Variants in SRPK1 observed in about 807,000 individuals in gnomAD.
The protein encoded by SRPK1 is SRSF protein kinase 1.
SRPK1 carries 52 observed loss-of-function variants against 89.5 expected under a neutral mutation model. That is an observed-to-expected ratio of 0.58 (90% confidence interval 0.46 to 0.73). The LOEUF is 0.73. Among genes scored for constraint, SRPK1 ranks in the 30% least tolerant of loss-of-function variants. The pLI, the probability that SRPK1 is intolerant of heterozygous loss-of-function variation, is 0.00. For missense variants in SRPK1, 603 were observed against 780.6 expected (o/e 0.77, Z 2.71); for synonymous variants, 255 against 270.2 (o/e 0.94, Z 0.55).
chr6:35,881,170 T>C (rs371587066), intron 6 of SRPK1, among the ~76,000 whole-genome samples: 12 of 152,232 alleles, frequency 7.9e-5, no homozygotes, highest in African/African-American at 2.6e-4. Context: ...CATTACCAGA[T>C]GTGCCCTGGA....
At chr6:35,881,669 A>G (rs1770294929) in intron 6 of SRPK1, among the ~76,000 whole-genome samples, 1 of 152,178 alleles carries the variant, frequency 6.6e-6, no homozygotes, top group Non-Finnish European at 1.5e-5. Context: ...GACATTATCT[A>G]TATTAATAAA....
chr6:35,855,086 G>C (rs1254973143), intron 13 of SRPK1, among the ~76,000 whole-genome samples: 1 of 152,096 alleles, frequency 6.6e-6, no homozygotes, highest in Admixed American at 6.6e-5. Flanking sequence ...CGGATCACAA[G>C]GTCAGGAGAT....
intron 12 of SRPK1, among the ~76,000 whole-genome samples, chr6:35,867,979 CTTTTT>C (rs574336190): frequency 6.6e-6 from 1 of 150,966 alleles, no homozygotes; most frequent in African/African-American, 2.4e-5. Flanking sequence ...CTTTTCTTTT[CTTTTT>C]TTTTGAGATG....
chr6:35,885,296 CACAGAGAGAG>C (rs1770383048), intron 6 of SRPK1, among the ~76,000 whole-genome samples: 2 of 123,834 alleles, frequency 1.6e-5, no homozygotes, highest in Non-Finnish European at 3.5e-5. Context: ...CACACACACA[CACAGAGAGAG>C]AGAGAGAGAG....
intron 13 of SRPK1, among the ~76,000 whole-genome samples, chr6:35,844,773 T>C (rs1203188159): frequency 1.3e-5 from 2 of 152,076 alleles, no homozygotes; most frequent in African/African-American, 4.8e-5. Context: ...TGATTCTTGT[T>C]CACCAAAACT....
At position 35,869,678 on chromosome 6, in the gene SRPK1, G is replaced by A. The variant is rs773383685; in HGVS notation, c.1215C>T (p.Ser405=). 10 of 1,613,926 alleles carry A rather than the reference G, an allele frequency of 6.2e-6. No individual in the cohort carries two copies. Among genetic ancestry groups the A allele is most frequent in the Non-Finnish European group, 6.8e-6 (8 of 1,179,836 alleles). Residue 405 remains serine (S), a synonymous_variant, in exon 11 of 16, where the codon AGC becomes AGT. Coordinates refer to ENST00000373825, the MANE Select transcript of SRPK1 (RefSeq NM_003137.5). ...AAGAGTCTGTTTCTTGAGATGTGCT[G>A]CTGTCTCCATTTTGGGAGCTTAGGA... ...SSFLSSQNGD[S]STSQETDSCT...
chr6:35,881,718 A>G (rs954684157), intron 6 of SRPK1, among the ~76,000 whole-genome samples: 1 of 152,176 alleles, frequency 6.6e-6, no homozygotes, highest in African/African-American at 2.4e-5. Context: ...ACAATTATAG[A>G]CATTTACATA....
intron 6 of SRPK1, among the ~76,000 whole-genome samples, chr6:35,885,231 T>G: frequency 8.2e-6 from 1 of 122,290 alleles, no homozygotes; most frequent in African/African-American, 3.2e-5. Flanking sequence ...TTTTAAAAAA[T>G]TACTTGGTTT....
chr6:35,861,335 G>A (rs763785471), intron 12 of SRPK1, among the ~76,000 whole-genome samples: 1 of 152,196 alleles, frequency 6.6e-6, no homozygotes. Context: ...CTGACATGCA[G>A]AACTGCCTAA....
rs1274170636 is a variant in SRPK1, at chr6:35,834,134, A to T, written c.*1170T>A. The T allele has an allele frequency of 6.8e-6, 1 of 146,610 alleles. No homozygotes were observed. Among genetic ancestry groups the T allele is most frequent in the East Asian group, 1.9e-4 (1 of 5,168 alleles). 9.1% of individuals were successfully genotyped at this position (146,610 alleles called of 1,614,324 possible). On this transcript the variant is annotated 3_prime_UTR_variant, in exon 16 of 16. Transcript: ENST00000373825. ...AGGGAAATAGCAGCAGAGAATGGCT[A>T]ATCTTAAAAAATAACGAACCAACCA...
At chr6:35,866,822 T>A (rs916915242) in intron 12 of SRPK1, among the ~76,000 whole-genome samples, 4 of 152,124 alleles carry the variant, frequency 2.6e-5, no homozygotes, top group Non-Finnish European at 5.9e-5. Context: ...ATGAACACAA[T>A]ACTATTCAGC....
At chr6:35,903,728 A>G (rs1308196791) in intron 2 of SRPK1, among the ~76,000 whole-genome samples, 1 of 152,214 alleles carries the variant, frequency 6.6e-6, no homozygotes, top group Non-Finnish European at 1.5e-5. Flanking sequence ...GTTAAAATGT[A>G]TATTAAAATT....
chr6:35,845,850 A>C (rs931548382), intron 13 of SRPK1, among the ~76,000 whole-genome samples: 1 of 152,232 alleles, frequency 6.6e-6, no homozygotes, highest in African/African-American at 2.4e-5. Context: ...AGGTGTGCTC[A>C]ATGTATTAAC....
Position 35,874,382 on chromosome 6 carries a change from A to G in SRPK1, c.479-43T>C, listed in dbSNP as rs1770109973. 2.3e-6 allele frequency: 3 copies of G among 1,325,204 alleles called. No homozygotes were observed. The African/African-American group carries it at 4.3e-5, about 19-fold the overall frequency. The allele number at this position is 1,325,204 out of a possible 1,614,324, so 82.1% of individuals were successfully genotyped here. A position where few individuals can be genotyped will look rare whatever the true frequency, so the allele number is the denominator to read the frequency against. ...AGGGAAAAAACGGCACAAAAGAAGAACACGGCAAGACAAGCTGTGAATTCC... is the reference window on the plus strand; with the variant it reads ...AGGGAAAAAACGGCACAAAAGAAGAGCACGGCAAGACAAGCTGTGAATTCC... On this transcript the variant is annotated intron_variant, in intron 6 of 15. Coordinates refer to ENST00000373825, the MANE Select transcript of SRPK1 (RefSeq NM_003137.5).
chr6:35,902,142 C>T (rs1046422882), intron 2 of SRPK1, among the ~76,000 whole-genome samples: 1 of 151,190 alleles, frequency 6.6e-6, no homozygotes, highest in African/African-American at 2.4e-5. Context: ...GGCACAGTGG[C>T]CCCATGTCTG....
intron 2 of SRPK1, among the ~76,000 whole-genome samples, chr6:35,906,676 G>C (rs967598242): frequency 5.3e-5 from 8 of 152,110 alleles, no homozygotes; most frequent in African/African-American, 1.7e-4. Context: ...GGAGTCAAGG[G>C]GTATGACTGC....
At chr6:35,838,781 T>C (rs1581986882) in intron 14 of SRPK1, 1 of 1,381,302 alleles carries the variant, frequency 7.2e-7, no homozygotes, top group Non-Finnish European at 9.7e-7. Context: ...ATCAGCTCTA[T>C]AATGTGCACA....
intron 12 of SRPK1, among the ~76,000 whole-genome samples, chr6:35,866,808 T>C (rs938456213): frequency 1.6e-4 from 25 of 152,074 alleles, no homozygotes; most frequent in African/African-American, 4.1e-4. Context: ...AAATGTGGTA[T>C]GGAATGAACA....
At chr6:35,835,567 T>A in intron 15 of SRPK1, 79 bp from the exon 16 acceptor site, 1 of 1,331,818 alleles carries the variant, frequency 7.5e-7, no homozygotes. Flanking sequence ...ACCCACAAAC[T>A]AACCCATGTA....
Sources: gnomAD v4.1 joint callset for allele counts (sites outside exome capture counted in the v4.1 genomes callset) on GRCh38, gnomAD v4.1.1 for gene constraint, MANE v1.5 for transcripts, NCBI Gene and HGNC (gene_info 2026-07-23, HGNC 2026-07-21) for gene names.